Variants in PCSK1 observed in about 807,000 individuals in gnomAD.
PCSK1 encodes the protein neuroendocrine convertase 1.
Under a neutral mutation model 90.6 loss-of-function variants are expected in PCSK1, and 56 were observed. The ratio of observed to expected loss-of-function variants is 0.62; its 90% CI spans 0.50 to 0.77. The LOEUF (loss-of-function observed/expected upper bound fraction) is 0.77. PCSK1 is among the 30% of genes least tolerant of loss of function. The pLI, the probability that PCSK1 is intolerant of heterozygous loss-of-function variation, is 0.00. For synonymous variants in PCSK1, 348 were observed against 342.4 expected, an observed-to-expected ratio of 1.02 and a Z score of -0.18; for missense variants, 801 against 932.6, an observed-to-expected ratio of 0.86 and a Z score of 1.84.
At chr5:96,416,840 A>G (rs1760951927) in intron 5 of PCSK1, among the ~76,000 whole-genome samples, 1 of 152,234 alleles carries the variant, frequency 6.6e-6, no homozygotes, top group Non-Finnish European at 1.5e-5. Flanking sequence ...AGTATTTGGA[A>G]GAAAAATGCG....
At chr5:96,402,296 G>T (rs1030222824) in intron 9 of PCSK1, among the ~76,000 whole-genome samples, 1 of 152,242 alleles carries the variant, frequency 6.6e-6, no homozygotes, top group African/African-American at 2.4e-5. Flanking sequence ...TCCCCATGCA[G>T]ACACAGTGTG....
chr5:96,432,932 C>T lies in PCSK1; in HGVS notation c.111G>A (p.Ala37=), dbSNP rs199686748. 2 of 1,614,202 alleles carry T rather than the reference C, an allele frequency of 1.2e-6. No individual in the cohort carries two copies. The highest frequency in any genetic ancestry group is 2.7e-5 in the African/African-American group (2 of 75,066). The change falls in exon 1 of 14, where the codon GCG becomes GCA. Residue 37 remains alanine (A), a synonymous_variant. Transcript: ENST00000311106. ...AKRQFVNEWA[A]EIPGGPEAAS... The stretch of plus-strand genomic sequence containing the variant: ...CTGCTTCCGGGCCCCCGGGGATCTC[C>T]GCTGCCCATTCATTGACAAATTGCC...
intron 8 of PCSK1, among the ~76,000 whole-genome samples, chr5:96,408,913 A>G (rs953520274): frequency 6.6e-6 from 1 of 152,224 alleles, no homozygotes; most frequent in African/African-American, 2.4e-5. Context: ...GGGTCTTTAA[A>G]ATGGAAAGTG....
chr5:96,430,193 C>T (rs1761448217), intron 1 of PCSK1, among the ~76,000 whole-genome samples: 1 of 152,172 alleles, frequency 6.6e-6, no homozygotes, highest in Non-Finnish European at 1.5e-5. Flanking sequence ...TTGTACTTCT[C>T]CGGGTATCTA....
intron 11 of PCSK1, among the ~76,000 whole-genome samples, chr5:96,398,014 G>A (rs1323964418): frequency 6.6e-6 from 1 of 151,886 alleles, no homozygotes; most frequent in African/African-American, 2.4e-5. Flanking sequence ...TTAAAAGACA[G>A]GTTACCTGTA....
At chr5:96,418,126 C>T (rs1326099409) in intron 5 of PCSK1, among the ~76,000 whole-genome samples, 2 of 152,192 alleles carry the variant, frequency 1.3e-5, no homozygotes, top group African/African-American at 2.4e-5. Flanking sequence ...CTAGTGAGAG[C>T]TGCAGGAGGA....
At chr5:96,409,476 T>C (rs1178604479) in intron 8 of PCSK1, among the ~76,000 whole-genome samples, 1 of 152,196 alleles carries the variant, frequency 6.6e-6, no homozygotes, top group Admixed American at 6.5e-5. Flanking sequence ...AAAGGTTATG[T>C]TACTGAGACT....
Position 96,398,930 on chromosome 5 carries a change from T to C in PCSK1, c.1537A>G (p.Ile513Val), listed in dbSNP as rs1369056991. 1 of 1,613,568 alleles carries C rather than the reference T, an allele frequency of 6.2e-7. No individual in the cohort carries two copies. The highest frequency in any genetic ancestry group is 8.5e-7 in the Non-Finnish European group (1 of 1,179,482). ...SLEHVQFEAT[I>V]EYSRRGDLHV... The stretch of plus-strand genomic sequence containing the variant: ...AGGTCTCCTCTTCGGGAATATTCAA[T>C]TGTTGCTTCAAATTGTACATGCTCC... Residue 513 changes from isoleucine (I) to valine (V), a missense_variant, in exon 11 of 14, where the codon ATT (isoleucine) becomes GTT (valine). Ile to Val is a conservative substitution (Grantham distance 29). Transcript: ENST00000311106.
rs10532274 is a variant in PCSK1 at position 96,419,384 on chromosome 5, T to TTA, written c.620+2494_620+2495dup. On this transcript the variant is annotated intron_variant, in intron 5 of 13. Transcript: ENST00000311106. The stretch of plus-strand genomic sequence containing the variant: ...TATTATATATGTTATATAATACTTA[T>TTA]TATATATATATATATAAACTCACTT... Among the ~76,000 whole-genome samples, 166 of 144,092 alleles carry TTA rather than the reference T, an allele frequency of 1.2e-3. 3 individuals carry two copies. The highest frequency in any genetic ancestry group is 6.0e-3 in the East Asian group (30 of 5,010). 94.5% of individuals were successfully genotyped at this position (144,092 alleles called of 152,430 possible).
In PCSK1 at chr5:96,394,972, G is replaced by A. The variant is rs147790920; in HGVS notation, c.1776C>T (p.His592=). Residue 592 remains histidine, a synonymous_variant, in exon 13 of 14, where the codon CAC becomes CAT. Transcript: ENST00000311106. ...GRIVNWKLIL[H]GTSSQPEHMK... ...TATGCTCTGGCTGAGAAGAGGTCCC[G>A]TGCAAAATCAGCTTCCAGTTCACAA... 5.1e-5 allele frequency: 83 copies of A among 1,613,682 alleles called. No individual in the cohort carries two copies. The highest frequency in any genetic ancestry group is 3.8e-4 in the East Asian group (17 of 44,892).
chr5:96,427,005 A>G (rs538875517), intron 2 of PCSK1, among the ~76,000 whole-genome samples: 19 of 152,216 alleles, frequency 1.2e-4, no homozygotes, highest in Non-Finnish European at 2.6e-4. Flanking sequence ...AAATACCTCA[A>G]TGCTTGGAAT....
rs1047790469 is a variant in PCSK1 at position 96,391,997 on chromosome 5, A to C, written c.*1004T>G. The C allele has an allele frequency of 2.0e-5, 3 of 152,230 alleles. No homozygotes were observed. Among genetic ancestry groups the C allele is most frequent in the African/African-American group, 7.2e-5 (3 of 41,454 alleles). 9.4% of individuals were successfully genotyped at this position (152,230 alleles called of 1,614,324 possible). Reference sequence around the variant, plus strand: ...AAGGAATAAACATTCAGTTTCAAATACTTAGAACACGCTGTTCTAATGAAC... The same window carrying C: ...AAGGAATAAACATTCAGTTTCAAATCCTTAGAACACGCTGTTCTAATGAAC... On this transcript the variant is annotated 3_prime_UTR_variant, in exon 14 of 14. Coordinates refer to ENST00000311106, the MANE Select transcript of PCSK1 (RefSeq NM_000439.5).
Position 96,432,856 on chromosome 5 carries a change from CTCTTACCTGACCCAAAAGG to C in PCSK1, c.168_180+6del. On this transcript the variant is annotated splice_donor_variant and splice_donor_5th_base_variant and coding_sequence_variant and intron_variant, in exon 1 of 14. Transcript: ENST00000311106. LOFTEE classifies it high-confidence loss of function. Reference sequence around the variant, plus strand: ...CCAGAAAGTTTCTTGAAAGTGGAAACTCTTACCTGACCCAAAAGGTCATAGCCCAGCTCCTCGGCGATGG... The same window carrying C: ...CCAGAAAGTTTCTTGAAAGTGGAAACTCATAGCCCAGCTCCTCGGCGATGG... The C allele has an allele frequency of 6.2e-7, 1 of 1,612,800 alleles. No individual in the cohort carries two copies. Among genetic ancestry groups the C allele is most frequent in the Non-Finnish European group, 8.5e-7 (1 of 1,179,644 alleles).
At chr5:96,417,140 G>A (rs1760963720) in intron 5 of PCSK1, among the ~76,000 whole-genome samples, 1 of 152,082 alleles carries the variant, frequency 6.6e-6, no homozygotes, top group Admixed American at 6.6e-5. Flanking sequence ...CTACTATACT[G>A]GCCATCTATT....
At position 96,393,090 on chromosome 5, in the gene PCSK1, C is replaced by A. The variant is rs1554057158; in HGVS notation, c.2173G>T (p.Val725Phe). The change falls in exon 14 of 14, where the codon GTT (valine) becomes TTT (phenylalanine). Residue 725 changes from valine to phenylalanine, a missense_variant. By Grantham distance (50) the Val-to-Phe change is conservative (BLOSUM62 -1). Coordinates refer to ENST00000311106, the MANE Select transcript of PCSK1 (RefSeq NM_000439.5). ...DSEDSLYNDY[V>F]DVFYNTKPYK... ...GGTTTAGTGTTATAAAAAACATCAA[C>A]ATAGTCATTATACAGACTGTCTTCA... 1 of 1,613,990 alleles carries A rather than the reference C, an allele frequency of 6.2e-7. No individual in the cohort carries two copies. Among genetic ancestry groups the A allele is most frequent in the African/African-American group, 1.3e-5 (1 of 74,934 alleles).
chr5:96,395,613 A>T (rs1760109699), intron 12 of PCSK1, among the ~76,000 whole-genome samples: 1 of 152,002 alleles, frequency 6.6e-6, no homozygotes, highest in Admixed American at 6.5e-5. Flanking sequence ...GGGCACAGGG[A>T]GGGGAACATC....
chr5:96,423,515 T>C lies in PCSK1; in HGVS notation c.397-56A>G. 2.6e-6 allele frequency: 4 copies of C among 1,550,154 alleles called. No homozygotes were observed. The South Asian group carries it at 4.5e-5, about 17-fold the overall frequency. On this transcript the variant is annotated intron_variant, in intron 3 of 13. Coordinates refer to ENST00000311106, the MANE Select transcript of PCSK1 (RefSeq NM_000439.5). ...AAATTATCATTTGCTTGCTACAAAA[T>C]GGGCACTTCAGTTCCAACCTGGAGA...
At chr5:96,407,490 T>C (rs1218892174) in intron 9 of PCSK1, among the ~76,000 whole-genome samples, 1 of 146,308 alleles carries the variant, frequency 6.8e-6, no homozygotes, top group East Asian at 1.9e-4. Context: ...CATATATTCC[T>C]GGAGGGAATA....
chr5:96,393,295 A>C lies in PCSK1; in HGVS notation c.1968T>G (p.Asp656Glu). ...PSSSSVGGRR[D>E]ELEEGAPSQA... ...GGGAAGGGGCTCCCTCCTCCAACTCATCCCTCCGGCCCCCTACGCTGCTGC... is the reference window on the plus strand; with the variant it reads ...GGGAAGGGGCTCCCTCCTCCAACTCCTCCCTCCGGCCCCCTACGCTGCTGC... Residue 656 changes from aspartate to glutamate, a missense_variant, in exon 14 of 14, where the codon GAT becomes GAG. Transcript: ENST00000311106. 6.2e-7 allele frequency: 1 copy of C among 1,613,980 alleles called. No homozygotes were observed. The highest frequency in any genetic ancestry group is 8.5e-7 in the Non-Finnish European group (1 of 1,179,956).
Sources: gnomAD v4.1 joint callset for allele counts (sites outside exome capture counted in the v4.1 genomes callset) on GRCh38, gnomAD v4.1.1 for gene constraint, MANE v1.5 for transcripts, NCBI Gene and HGNC (gene_info 2026-07-23, HGNC 2026-07-21) for gene names.